Variants in PLCXD1 observed in about 807,000 individuals in gnomAD.
The protein encoded by PLCXD1 is PI-PLC X domain-containing protein 1.
A neutral mutation model predicts 37.8 loss-of-function variants in PLCXD1; 45 were observed. The observed-to-expected ratio is 1.19, with a 90% CI of 0.94 to 1.53. The LOEUF (loss-of-function observed/expected upper bound fraction) is 1.53, where lower values mean the gene tolerates loss of function less well. PLCXD1 is among the 40% of genes most tolerant of loss of function. The pLI is 0.00. For synonymous variants in PLCXD1, 246 were observed against 206.9 expected, an observed-to-expected ratio of 1.19 and a Z score of -1.62; for missense variants, 539 against 454.7, an observed-to-expected ratio of 1.19 and a Z score of -1.69.
rs1222585610 is a variant in PLCXD1, at chrX:299,656, C to G, written c.*321C>G. 1.7e-5 allele frequency: 8 copies of G among 463,160 alleles called. No homozygotes were observed. The highest frequency in any genetic ancestry group is 2.7e-5 in the Non-Finnish European group (7 of 256,252). 28.7% of individuals were successfully genotyped at this position (463,160 alleles called of 1,614,324 possible). ...CCTGTAGTCCCAGTTACTCGGGAGGCTCAGGCAGGAGAACTGCTTGAAGCC... is the reference window on the plus strand; with the variant it reads ...CCTGTAGTCCCAGTTACTCGGGAGGGTCAGGCAGGAGAACTGCTTGAAGCC... On this transcript the variant is annotated 3_prime_UTR_variant, in exon 7 of 7. Coordinates refer to ENST00000381657, the MANE Select transcript of PLCXD1 (RefSeq NM_018390.4).
chrX:288,324 G>GA lies in PLCXD1; in HGVS notation c.128-409_128-408insA, dbSNP rs1465594177. Among the ~76,000 whole-genome samples the GA allele has an allele frequency of 3.6e-5, 5 of 138,340 alleles. No homozygotes were observed. In the East Asian group the frequency reaches 7.0e-4, roughly 19 times the overall value. 90.8% of individuals were successfully genotyped at this position (138,340 alleles called of 152,430 possible). A position where few individuals can be genotyped will look rare whatever the true frequency, so the allele number is the denominator to read the frequency against. The stretch of plus-strand genomic sequence containing the variant: ...GTTCCTTCTAGAGGCTCTAGAGTGG[G>GA]GGATCCTTCCTGCCTCTCCCAGCTC... On this transcript the variant is annotated intron_variant, in intron 2 of 6. Transcript: ENST00000381657.
chrX:294,183 C>A (rs1391647374), intron 6 of PLCXD1, among the ~76,000 whole-genome samples: 1 of 152,024 alleles, frequency 6.6e-6, no homozygotes, highest in African/African-American at 2.4e-5. Flanking sequence ...AGCAAAAATA[C>A]AAAAATTAGC....
chrX:294,647 G>A (rs113296781), intron 6 of PLCXD1, among the ~76,000 whole-genome samples: 1 of 148,236 alleles, frequency 6.7e-6, no homozygotes, highest in Non-Finnish European at 1.5e-5. Flanking sequence ...AAACAAAAAA[G>A]AGAAAAATTA....
intron 6 of PLCXD1, among the ~76,000 whole-genome samples, chrX:293,637 C>T (rs373991642): frequency 1.2e-3 from 182 of 152,182 alleles, no homozygotes; most frequent in Middle Eastern, 0.01. Context: ...TGTACATTGG[C>T]GGGGGGAGGG....
At chrX:292,649 G>A (rs1307952919) in intron 5 of PLCXD1, among the ~76,000 whole-genome samples, 1 of 150,738 alleles carries the variant, frequency 6.6e-6, no homozygotes, top group Non-Finnish European at 1.5e-5. Context: ...GTCTCGGTCT[G>A]TCTCCCAGGC....
At chrX:292,527 C>T (rs2069670375) in intron 5 of PLCXD1, among the ~76,000 whole-genome samples, 1 of 152,090 alleles carries the variant, frequency 6.6e-6, no homozygotes, top group East Asian at 1.9e-4. Context: ...AGCCCAGGCT[C>T]GAATTCCTGG....
intron 2 of PLCXD1, among the ~76,000 whole-genome samples, chrX:286,123 G>T (rs2069445644): frequency 6.6e-6 from 1 of 151,550 alleles, no homozygotes; most frequent in Non-Finnish European, 1.5e-5. Context: ...CGAGTGCAGT[G>T]GCTCCACCTC....
In PLCXD1 at chrX:294,353, G is replaced by A. The variant is rs1241393300; in HGVS notation, c.733+1135G>A. ...AAAAATTAGCCGGGCGTGGTGGCGG[G>A]CGCCTGTAATCCCAGCTACTCCGGA... On this transcript the variant is annotated intron_variant, in intron 6 of 6. Transcript: ENST00000381657. Among the ~76,000 whole-genome samples, 11 of 152,168 alleles carry A rather than the reference G, an allele frequency of 7.2e-5. No individual in the cohort carries two copies. In the South Asian group the frequency reaches 1.5e-3, roughly 20 times the overall value.
At chrX:298,744 T>C (rs865976858) in intron 6 of PLCXD1, among the ~76,000 whole-genome samples, 8 of 64,774 alleles carry the variant, frequency 1.2e-4, no homozygotes, top group Admixed American at 1.5e-4. Flanking sequence ...ATCCTGTCTA[T>C]CACATGGGGA....
rs1556024384 is a variant in PLCXD1, at chrX:301,447, A to ATTTT, written c.*2117_*2120dup. 1 of 151,386 alleles carries ATTTT rather than the reference A, an allele frequency of 6.6e-6. No individual in the cohort carries two copies. Among genetic ancestry groups the ATTTT allele is most frequent in the African/African-American group, 2.4e-5 (1 of 41,074 alleles). 9.4% of individuals were successfully genotyped at this position (151,386 alleles called of 1,614,324 possible). ...GTGTCAGCCACCACACCCACAGCTAATTTTTTTTGTAGAGATGGGGTCTGG... is the reference window on the plus strand; with the variant it reads ...GTGTCAGCCACCACACCCACAGCTAATTTTTTTTTTTTGTAGAGATGGGGTCTGG... On this transcript the variant is annotated 3_prime_UTR_variant, in exon 7 of 7. Transcript: ENST00000381657.
chrX:281,735 C>T (rs1198775520), intron 1 of PLCXD1, 51 bp downstream of exon 1: 1 of 152,204 alleles, frequency 6.6e-6, no homozygotes, highest in East Asian at 1.9e-4. Flanking sequence ...TCCAGGAGGC[C>T]GGGGCTTCTT....
rs2034108322 is a variant in PLCXD1, at chrX:291,575, A to G, written c.470A>G (p.Glu157Gly). ...GTCATCCTGGCCTGCAGAAACTTCG[A>G]GGGGCTGAGCGAGGACCTGCACGAG... ...EVVILACRNF[E>G]GLSEDLHEYL... Residue 157 changes from glutamate (E) to glycine (G), a missense_variant, in exon 5 of 7, where the codon GAG (glutamate) becomes GGG (glycine). Physicochemically the swap from Glu to Gly is moderately conservative, Grantham distance 98. Transcript: ENST00000381657. 6.2e-7 allele frequency: 1 copy of G among 1,613,124 alleles called. No homozygotes were observed. The highest frequency in any genetic ancestry group is 1.7e-5 in the Admixed American group (1 of 60,002).
rs1303416505 is a variant in PLCXD1, at chrX:290,676, C to T, written c.293C>T (p.Ala98Val). The change falls in exon 4 of 7, where the codon GCC becomes GTC. Residue 98 changes from alanine (A) to valine (V), a missense_variant. Transcript: ENST00000381657. ...QALDVTEQLD[A>V]GVRYLDLRIA... The stretch of plus-strand genomic sequence containing the variant: ...CTGGACGTCACAGAGCAGCTGGATG[C>T]CGGGGTGCGGTACCTGGACCTGCGG... 2 of 1,613,754 alleles carry T rather than the reference C, an allele frequency of 1.2e-6. No homozygotes were observed. The highest frequency in any genetic ancestry group is 1.7e-6 in the Non-Finnish European group (2 of 1,179,710).
At chrX:277,424 C>A (rs868161470), upstream of PLCXD1, among the ~76,000 whole-genome samples, 54 of 9,512 alleles carry the variant, frequency 5.7e-3, 1 homozygote, top group African/African-American at 6.5e-3. Context: ...GGGGTCAGGG[C>A]ACGTGGGGAC....
Position 303,032 on chromosome X carries a change from T to C in PLCXD1, c.*3697T>C, listed in dbSNP as rs2070065993. 1 of 152,216 alleles carries C rather than the reference T, an allele frequency of 6.6e-6. No individual in the cohort carries two copies. The highest frequency in any genetic ancestry group is 2.4e-5 in the African/African-American group (1 of 41,456). 9.4% of individuals were successfully genotyped at this position (152,216 alleles called of 1,614,324 possible). ...TTCTCAGGATGATCCTCAAGAACGT[T>C]ATGGAGTCCATGTTGCAATAGGTTC... On this transcript the variant is annotated 3_prime_UTR_variant, in exon 7 of 7. Transcript: ENST00000381657.
rs146449171 is a variant in PLCXD1 at position 299,826 on chromosome X, C to T, written c.*491C>T. The T allele has an allele frequency of 0.019, 2,950 of 158,544 alleles. 95 individuals are homozygous for T. The highest frequency in any genetic ancestry group is 0.07 in the African/African-American group (2,794 of 39,816). The allele number at this position is 158,544 out of a possible 1,614,324, so 9.8% of individuals were successfully genotyped here. On this transcript the variant is annotated 3_prime_UTR_variant, in exon 7 of 7. Transcript: ENST00000381657. Reference sequence around the variant, plus strand: ...ATCCCAGCACTTTGGGAGGCGAAGGCGGGTGGAACATGAGGTCAGGAGTTC... The same window carrying T: ...ATCCCAGCACTTTGGGAGGCGAAGGTGGGTGGAACATGAGGTCAGGAGTTC...
At chrX:282,682 G>T (rs1490092452) in intron 1 of PLCXD1, among the ~76,000 whole-genome samples, 1 of 146,926 alleles carries the variant, frequency 6.8e-6, no homozygotes, top group Non-Finnish European at 1.5e-5. Flanking sequence ...TCCAGCCTGG[G>T]CAACGAGAGG....
intron 2 of PLCXD1, among the ~76,000 whole-genome samples, chrX:287,365 A>C (rs1205026226): frequency 1.4e-5 from 2 of 144,504 alleles, no homozygotes; most frequent in Non-Finnish European, 3.0e-5. Context: ...TTATATATTT[A>C]TATAAATACA....
At chrX:298,819 C>A (rs1429588740) in intron 6 of PLCXD1, among the ~76,000 whole-genome samples, 1 of 140,476 alleles carries the variant, frequency 7.1e-6, no homozygotes, top group Non-Finnish European at 1.6e-5. Flanking sequence ...ACGTGGACAT[C>A]TTTGGGGCCA....
Sources: allele counts gnomAD v4.1 joint callset (sites outside exome capture counted in the v4.1 genomes callset), GRCh38; gene constraint gnomAD v4.1.1; transcripts MANE v1.5; gene names NCBI Gene and HGNC (gene_info 2026-07-23, HGNC 2026-07-21).